Variants in RIMS1 observed in about 807,000 individuals in gnomAD.
The protein encoded by RIMS1 is regulating synaptic membrane exocytosis 1.
In RIMS1, 83 loss-of-function variants were observed where a neutral mutation model predicts 214.1. The ratio of observed to expected loss-of-function variants is 0.39; its 90% CI spans 0.32 to 0.47. The LOEUF is 0.47. Ranked by LOEUF, RIMS1 falls within the 20% of genes least tolerant of loss-of-function variation. The probability of loss-of-function intolerance (pLI) is 0.99; values close to 1 mark genes in which losing one functional copy is unlikely to be tolerated. For synonymous variants in RIMS1, 793 were observed against 786.8 expected, an observed-to-expected ratio of 1.01 and a Z score of -0.13; for missense variants, 2,050 against 2,161.8, an observed-to-expected ratio of 0.95 and a Z score of 1.03.
chr6:71,928,223 A>G (rs1264367368), intron 1 of RIMS1, among the ~76,000 whole-genome samples: 1 of 152,176 alleles, frequency 6.6e-6, no homozygotes, highest in African/African-American at 2.4e-5. Flanking sequence ...GGTACAACAG[A>G]TAAATAATTT....
At chr6:71,982,620 C>T (rs1011741558) in intron 2 of RIMS1, among the ~76,000 whole-genome samples, 2 of 152,108 alleles carry the variant, frequency 1.3e-5, no homozygotes, top group Non-Finnish European at 2.9e-5. Flanking sequence ...TCCCCACTTC[C>T]TTGTGTGCTC....
chr6:71,979,375 A>G (rs1198606871), intron 2 of RIMS1, among the ~76,000 whole-genome samples: 1 of 152,056 alleles, frequency 6.6e-6, no homozygotes, highest in East Asian at 1.9e-4. Flanking sequence ...AACATGACCT[A>G]TGTTAGTGGC....
At chr6:71,945,272 G>GA (rs1441357210) in intron 1 of RIMS1, among the ~76,000 whole-genome samples, 5 of 152,038 alleles carry the variant, frequency 3.3e-5, no homozygotes, top group African/African-American at 9.7e-5. Context: ...CAGCTATGGG[G>GA]AAAAAAAGAG....
intron 1 of RIMS1, among the ~76,000 whole-genome samples, chr6:71,921,665 C>CT (rs1189782490): frequency 6.6e-6 from 1 of 152,082 alleles, no homozygotes; most frequent in Non-Finnish European, 1.5e-5. Context: ...TTTTTGAAGG[C>CT]TTTTTTCATA....
chr6:72,278,445 A>T (rs1414657314), intron 23 of RIMS1, among the ~76,000 whole-genome samples: 1 of 152,106 alleles, frequency 6.6e-6, no homozygotes, highest in East Asian at 1.9e-4. Context: ...AAGAGTATCA[A>T]GTGATTTCTT....
chr6:72,309,459 T>C (rs2095403499), intron 27 of RIMS1, among the ~76,000 whole-genome samples: 1 of 152,126 alleles, frequency 6.6e-6, no homozygotes. Flanking sequence ...CCTATAACAA[T>C]GGATTTGGGA....
rs182206655 is a variant in RIMS1, at chr6:71,924,167, T to C, written c.164+36980T>C. ...ATTCTACCATCAAAATATCTGGTAA[T>C]TGGGACCTAGGTTAGAGTTTATAAT... On this transcript the variant is annotated intron_variant, in intron 1 of 33. Transcript: ENST00000521978. 2.9e-3 allele frequency among the ~76,000 whole-genome samples: 443 copies of C among 152,322 alleles called. 5 individuals carry two copies. In the South Asian group the frequency reaches 0.038, roughly 13 times the overall value.
intron 29 of RIMS1, among the ~76,000 whole-genome samples, chr6:72,385,655 G>A (rs1415087188): frequency 6.6e-6 from 1 of 152,202 alleles, no homozygotes; most frequent in Non-Finnish European, 1.5e-5. Flanking sequence ...TTGGGGCAGG[G>A]ATTTTGTCTG....
intron 2 of RIMS1, among the ~76,000 whole-genome samples, chr6:72,094,507 C>G (rs1401230713): frequency 6.6e-6 from 1 of 152,062 alleles, no homozygotes; most frequent in Non-Finnish European, 1.5e-5. Context: ...GCCATTATAT[C>G]TTAGCATAAA....
At chr6:71,922,576 G>C (rs1780337322) in intron 1 of RIMS1, among the ~76,000 whole-genome samples, 1 of 152,108 alleles carries the variant, frequency 6.6e-6, no homozygotes, top group Admixed American at 6.6e-5. Flanking sequence ...ATGTTTTCAA[G>C]GTCCATCTAC....
At chr6:72,322,017 A>G (rs2096198988) in intron 28 of RIMS1, among the ~76,000 whole-genome samples, 2 of 152,176 alleles carry the variant, frequency 1.3e-5, no homozygotes, top group Non-Finnish European at 2.9e-5. Flanking sequence ...ATTTAACCAC[A>G]TCTGTAAATA....
chr6:72,242,050 A>AAAAGAT (rs1482321163), intron 9 of RIMS1, among the ~76,000 whole-genome samples: 2 of 152,130 alleles, frequency 1.3e-5, no homozygotes, highest in Non-Finnish European at 2.9e-5. Flanking sequence ...GGTATATCTC[A>AAAAGAT]AAAGATAAAG....
chr6:72,302,005 T>A (rs991058675), intron 26 of RIMS1, among the ~76,000 whole-genome samples: 1 of 151,546 alleles, frequency 6.6e-6, no homozygotes, highest in Non-Finnish European at 1.5e-5. Context: ...TTTGCAAATA[T>A]AAGAAAAGTA....
chr6:72,101,179 A>G (rs970818361), intron 4 of RIMS1, among the ~76,000 whole-genome samples: 14 of 152,062 alleles, frequency 9.2e-5, no homozygotes, highest in African/African-American at 2.9e-4. Flanking sequence ...GGCCAAACTC[A>G]CTATCCCTTT....
At chr6:72,060,196 C>T (rs199993804) in intron 2 of RIMS1, among the ~76,000 whole-genome samples, 5 of 151,788 alleles carry the variant, frequency 3.3e-5, no homozygotes, top group East Asian at 3.9e-4. Flanking sequence ...CTCAAACTCC[C>T]GACCTCAGGT....
At chr6:72,294,081 T>C (rs2807533) in intron 26 of RIMS1, among the ~76,000 whole-genome samples, 44,398 of 151,452 alleles carry the variant, frequency 0.29, 7,389 homozygotes, top group Non-Finnish European at 0.38. Context: ...TTGGTGTTTT[T>C]TATGATATAA....
At position 71,936,583 on chromosome 6, in the gene RIMS1, G is replaced by A. The variant is rs949771691; in HGVS notation, c.165-32400G>A. Reference sequence around the variant, plus strand: ...CAATGAACAGTGTTATCTTGAGAAAGAAAATAAAGCTTCCTCTATGGAACA... The same window carrying A: ...CAATGAACAGTGTTATCTTGAGAAAAAAAATAAAGCTTCCTCTATGGAACA... On this transcript the variant is annotated intron_variant, in intron 1 of 33. Coordinates refer to ENST00000521978, the MANE Select transcript of RIMS1 (RefSeq NM_014989.7). Among the ~76,000 whole-genome samples, 6 of 152,278 alleles carry A rather than the reference G, an allele frequency of 3.9e-5. No homozygotes were observed. In the South Asian group the frequency reaches 1.0e-3, roughly 26 times the overall value.
chr6:71,958,851 G>A (rs1792077091), intron 1 of RIMS1, among the ~76,000 whole-genome samples: 1 of 152,054 alleles, frequency 6.6e-6, no homozygotes, highest in African/African-American at 2.4e-5. Context: ...CTTTTCAAAT[G>A]CCATACTATT....
chr6:72,219,654 T>C (rs1349415145), intron 6 of RIMS1, among the ~76,000 whole-genome samples: 1 of 135,386 alleles, frequency 7.4e-6, no homozygotes, highest in Non-Finnish European at 1.6e-5. Flanking sequence ...ATTTTAGGCT[T>C]ATAAATAGCT....
Sources: gnomAD v4.1 joint callset for allele counts (sites outside exome capture counted in the v4.1 genomes callset) on GRCh38, gnomAD v4.1.1 for gene constraint, MANE v1.5 for transcripts, NCBI Gene and HGNC (gene_info 2026-07-23, HGNC 2026-07-21) for gene names.